MYH10: variants seen among roughly 807,000 people sequenced by gnomAD.
The protein encoded by MYH10 is myosin-10.
A neutral mutation model predicts 257.8 loss-of-function variants in MYH10; 55 were observed. The observed-to-expected ratio is 0.21, with a 90% CI of 0.17 to 0.27. The LOEUF (loss-of-function observed/expected upper bound fraction) is 0.27, where lower values mean the gene tolerates loss of function less well. MYH10 is among the 10% of genes least tolerant of loss of function. MYH10 has a pLI of 1.00. For synonymous variants in MYH10, 854 were observed against 921.7 expected (o/e 0.93, Z 1.33); for missense variants, 1,631 against 2,500.6 (o/e 0.65, Z 7.42).
Position 8,546,681 on chromosome 17 carries a change from C to T in MYH10, c.1160-19G>A, listed in dbSNP as rs1170136671. On this transcript the variant is annotated intron_variant, in intron 11 of 42. Transcript: ENST00000360416. ...TGCGCAACTGAAGTGTAAAAAGTCT[C>T]CTAAATCCTACATTTTTTACTTACA... 3.2e-6 allele frequency: 5 copies of T among 1,580,748 alleles called. No individual in the cohort carries two copies. The highest frequency in any genetic ancestry group is 4.3e-6 in the Non-Finnish European group (5 of 1,151,630).
chr17:8,579,995 C>T (rs952523150), intron 4 of MYH10, among the ~76,000 whole-genome samples: 1 of 152,034 alleles, frequency 6.6e-6, no homozygotes, highest in Admixed American at 6.6e-5. Context: ...GGCATGGTGG[C>T]GGGCGCCTGT....
At chr17:8,597,535 T>C (rs1356710325) in intron 3 of MYH10, among the ~76,000 whole-genome samples, 1 of 152,118 alleles carries the variant, frequency 6.6e-6, no homozygotes, top group African/African-American at 2.4e-5. Flanking sequence ...TATCTTTATA[T>C]GTTGCCTTAA....
intron 21 of MYH10, among the ~76,000 whole-genome samples, chr17:8,517,413 G>A (rs1050431075): frequency 6.6e-6 from 1 of 152,142 alleles, no homozygotes. Context: ...CTGACTTCCA[G>A]TCCAGGTGTT....
At chr17:8,620,119 C>A (rs997359419) in intron 2 of MYH10, among the ~76,000 whole-genome samples, 1 of 152,060 alleles carries the variant, frequency 6.6e-6, no homozygotes, top group East Asian at 1.9e-4. Flanking sequence ...TATATTGAAC[C>A]CTATATCCAA....
intron 11 of MYH10, 46 bp from the exon 12 acceptor site, chr17:8,546,708 T>C (rs200398979): frequency 1.4e-4 from 189 of 1,396,824 alleles, no homozygotes; most frequent in Non-Finnish European, 1.8e-4. Flanking sequence ...TTACTTACAA[T>C]CTACTCACAA....
intron 1 of MYH10, among the ~76,000 whole-genome samples, chr17:8,626,417 A>G (rs2085677068): frequency 6.6e-6 from 1 of 151,834 alleles, no homozygotes; most frequent in Admixed American, 6.6e-5. Flanking sequence ...AATACAAAAA[A>G]TTAGCTGGGC....
intron 38 of MYH10, 25 bp from the exon 39 acceptor site, chr17:8,480,550 G>C (rs1356612261): frequency 6.9e-6 from 11 of 1,601,598 alleles, no homozygotes; most frequent in Non-Finnish European, 9.3e-6. Context: ...AGGAGGGGAC[G>C]GTTCAATCCC....
At position 8,535,127 on chromosome 17, in the gene MYH10, G is replaced by A. The variant is rs1302984542; in HGVS notation, c.1894+260C>T. Among the ~76,000 whole-genome samples, 1 of 152,148 alleles carries A rather than the reference G, an allele frequency of 6.6e-6. No homozygotes were observed. Among genetic ancestry groups the A allele is most frequent in the Non-Finnish European group, 1.5e-5 (1 of 68,030 alleles). On this transcript the variant is annotated intron_variant, in intron 16 of 42. Coordinates refer to ENST00000360416, the MANE Select transcript of MYH10 (RefSeq NM_001256012.3). This position sits in a 1 kb window ranked among gnomAD's most constrained non-coding sequence, Gnocchi z 4.3. ...GTGGTGGCCTAAGTCATACGTGTAC[G>A]TCTTTGTGGCTCCGGGCCTAGAATG...
At chr17:8,516,985 C>T (rs893477188) in intron 21 of MYH10, among the ~76,000 whole-genome samples, 2 of 151,780 alleles carry the variant, frequency 1.3e-5, no homozygotes, top group African/African-American at 2.4e-5. Flanking sequence ...AAAAAAAATA[C>T]AAAAAATTAG....
chr17:8,525,024 C>T lies in MYH10; in HGVS notation c.1958-3739G>A, dbSNP rs75738723. 8.1e-4 allele frequency among the ~76,000 whole-genome samples: 124 copies of T among 152,320 alleles called. 1 individual carries two copies. The highest frequency in any genetic ancestry group is 2.6e-3 in the African/African-American group (107 of 41,562). ...GCCTGAAAAACATTCAAGTGTTCAA[C>T]GAAGGCACCTCTCTTGTCCCTTTCA... On this transcript the variant is annotated intron_variant, in intron 17 of 42. Transcript: ENST00000360416.
chr17:8,535,506 C>G lies in MYH10; in HGVS notation c.1780-5G>C. On this transcript the variant is annotated splice_polypyrimidine_tract_variant and splice_region_variant and intron_variant, in intron 15 of 42. Transcript: ENST00000360416. The surrounding 1 kb of genome is among the most constrained non-coding windows in gnomAD (Gnocchi z 4.3). ...CTCATCTGCCTTATAGTCCACCTAT[C>G]CCGCACCAAAGCCAAAAGTGGTGAA... 2 of 1,597,290 alleles carry G rather than the reference C, an allele frequency of 1.3e-6. No homozygotes were observed. The highest frequency in any genetic ancestry group is 1.7e-6 in the Non-Finnish European group (2 of 1,172,652).
rs188512361 is a variant in MYH10 at position 8,580,225 on chromosome 17, C to T, written c.531-2887G>A. Among the ~76,000 whole-genome samples, 57 of 152,192 alleles carry T rather than the reference C, an allele frequency of 3.7e-4. 1 individual carries two copies. In the South Asian group the frequency reaches 6.8e-3, roughly 18 times the overall value. ...TTCTGAAACGTGACTAACCAGAGCACCCACCATCATCCTTCTTTTTGAAAA... is the reference window on the plus strand; with the variant it reads ...TTCTGAAACGTGACTAACCAGAGCATCCACCATCATCCTTCTTTTTGAAAA... On this transcript the variant is annotated intron_variant, in intron 4 of 42. Coordinates refer to ENST00000360416, the MANE Select transcript of MYH10 (RefSeq NM_001256012.3).
At chr17:8,520,756 G>A (rs1415810726) in intron 19 of MYH10, 122 bp downstream of exon 19, 1 of 1,066,742 alleles carries the variant, frequency 9.4e-7, no homozygotes, top group Non-Finnish European at 1.3e-6. Context: ...CTATATGTTT[G>A]CTATATAAGA....
At chr17:8,546,694 T>C (rs749064835) in intron 11 of MYH10, 32 bp from the exon 12 acceptor site, 1 of 1,518,214 alleles carries the variant, frequency 6.6e-7, no homozygotes, top group South Asian at 1.1e-5. Flanking sequence ...AAATCCTACA[T>C]TTTTTACTTA....
Position 8,585,288 on chromosome 17 carries a change from G to GTATATATATATATA in MYH10, c.530+3779_530+3792dup, listed in dbSNP as rs71159599. Among the ~76,000 whole-genome samples the GTATATATATATATA allele has an allele frequency of 7.5e-4, 74 of 99,322 alleles. 1 individual carries two copies. Among genetic ancestry groups the GTATATATATATATA allele is most frequent in the African/African-American group, 1.7e-3 (46 of 26,548 alleles). The allele number at this position is 99,322 out of a possible 152,430, so 65.2% of individuals were successfully genotyped here. A position where few individuals can be genotyped will look rare whatever the true frequency, so the allele number is the denominator to read the frequency against. ...TATATATATGTGCATGTGTGTGTGT[G>GTATATATATATATA]TATATATATATATATATAGCTACAT... is the stretch of plus-strand genomic sequence containing the variant. On this transcript the variant is annotated intron_variant, in intron 4 of 42. Transcript: ENST00000360416.
intron 29 of MYH10, among the ~76,000 whole-genome samples, chr17:8,499,804 A>G (rs1175390261): frequency 6.6e-6 from 1 of 152,208 alleles, no homozygotes; most frequent in African/African-American, 2.4e-5. Context: ...GTTAGTGTAA[A>G]GAATTGTTTT....
At chr17:8,570,021 G>A (rs2083285755) in intron 6 of MYH10, among the ~76,000 whole-genome samples, 2 of 152,134 alleles carry the variant, frequency 1.3e-5, no homozygotes, top group Admixed American at 6.5e-5. Context: ...CATCTATAAA[G>A]TGGTCACAAG....
chr17:8,614,307 C>CTTTT lies in MYH10; in HGVS notation c.345+8591_345+8594dup, dbSNP rs35801623. On this transcript the variant is annotated intron_variant, in intron 2 of 42. Transcript: ENST00000360416. ...GATTTAGAAAGTAAGCAATTCACTT[C>CTTTT]TTTTTTTTTTTTTTTTTTTTTTTTT... is the stretch of plus-strand genomic sequence containing the variant. Among the ~76,000 whole-genome samples the CTTTT allele has an allele frequency of 5.6e-3, 430 of 77,136 alleles. 69 individuals carry two copies. Among genetic ancestry groups the CTTTT allele is most frequent in the Non-Finnish European group, 6.6e-3 (267 of 40,682 alleles). The allele number at this position is 77,136 out of a possible 152,430, so 50.6% of individuals were successfully genotyped here. A position where few individuals can be genotyped will look rare whatever the true frequency, so the allele number is the denominator to read the frequency against.
chr17:8,476,427 G>T (rs1205233849), intron 42 of MYH10, among the ~76,000 whole-genome samples: 1 of 152,224 alleles, frequency 6.6e-6, no homozygotes, highest in South Asian at 2.1e-4. Context: ...CCGCCGACCT[G>T]GTCTTCTGGG....
Sources: allele counts gnomAD v4.1 joint callset (sites outside exome capture counted in the v4.1 genomes callset), GRCh38; gene constraint gnomAD v4.1.1; non-coding constraint Gnocchi (gnomAD v3.1); transcripts MANE v1.5; gene names NCBI Gene and HGNC (gene_info 2026-07-23, HGNC 2026-07-21).